Variants in NRXN1 observed in about 807,000 individuals in gnomAD.
NRXN1 encodes neurexin-1.
In NRXN1, 39 loss-of-function variants were observed where a neutral mutation model predicts 150.9. The ratio of observed to expected loss-of-function variants is 0.26; its 90% CI spans 0.20 to 0.34. NRXN1 has a LOEUF of 0.34. NRXN1 is among the 10% of genes least tolerant of loss of function. The pLI, the probability that NRXN1 is intolerant of heterozygous loss-of-function variation, is 1.00. For synonymous variants in NRXN1, 924 were observed against 757.0 expected, an observed-to-expected ratio of 1.22 and a Z score of -3.62; for missense variants, 1,815 against 1,949.9, an observed-to-expected ratio of 0.93 and a Z score of 1.30.
intron 8 of NRXN1, among the ~76,000 whole-genome samples, chr2:50,554,763 A>C (rs1415837675): frequency 6.6e-6 from 1 of 152,196 alleles, no homozygotes; most frequent in Non-Finnish European, 1.5e-5. Context: ...CCAACTAAAT[A>C]AGTCACATCT....
chr2:50,932,657 A>G (rs183290167), intron 2 of NRXN1, among the ~76,000 whole-genome samples: 18 of 152,222 alleles, frequency 1.2e-4, no homozygotes, highest in Non-Finnish European at 5.9e-5. Flanking sequence ...GGGTGCACCA[A>G]CGTCTCAGAA....
At chr2:51,020,631 A>G (rs970325452) in intron 2 of NRXN1, among the ~76,000 whole-genome samples, 2 of 151,942 alleles carry the variant, frequency 1.3e-5, no homozygotes, top group East Asian at 3.9e-4. Flanking sequence ...CTCGCAAACA[A>G]TCTGTGAAGT....
intron 17 of NRXN1, among the ~76,000 whole-genome samples, chr2:50,355,205 C>G (rs536392331): frequency 1.2e-3 from 180 of 150,276 alleles, no homozygotes; most frequent in African/African-American, 4.1e-3. Context: ...GATCTATAAT[C>G]TAATCCCCAC....
At chr2:50,280,992 T>A (rs2071358396) in intron 17 of NRXN1, among the ~76,000 whole-genome samples, 1 of 152,016 alleles carries the variant, frequency 6.6e-6, no homozygotes, top group Non-Finnish European at 1.5e-5. Flanking sequence ...AAACTGTATT[T>A]TTATTATTTT....
At chr2:50,801,029 C>A (rs1438516038) in intron 5 of NRXN1, among the ~76,000 whole-genome samples, 1 of 152,080 alleles carries the variant, frequency 6.6e-6, no homozygotes, top group Non-Finnish European at 1.5e-5. Context: ...TTCTATTAAA[C>A]TAATTTAATT....
rs374678221 is a variant in NRXN1 at position 50,764,648 on chromosome 2, A to T, written c.833-141033T>A. Among the ~76,000 whole-genome samples, 7 of 151,986 alleles carry T rather than the reference A, an allele frequency of 4.6e-5. No homozygotes were observed. The East Asian group carries it at 1.4e-3, about 30-fold the overall frequency. On this transcript the variant is annotated intron_variant, in intron 5 of 22. Coordinates refer to ENST00000401669, the MANE Select transcript of NRXN1 (RefSeq NM_001330078.2). ...CAATTTGCTCAGCCATATTGTTAGT[A>T]AGTGGCCTTGAACCCTGGCAATAGA...
At chr2:50,240,577 C>G (rs543531895) in intron 17 of NRXN1, among the ~76,000 whole-genome samples, 9 of 151,764 alleles carry the variant, frequency 5.9e-5, no homozygotes, top group African/African-American at 1.9e-4. Flanking sequence ...TAACACACAT[C>G]TTTCTGAACC....
intron 15 of NRXN1, among the ~76,000 whole-genome samples, chr2:50,493,246 G>C (rs528729336): frequency 5.9e-5 from 9 of 152,296 alleles, no homozygotes; most frequent in African/African-American, 2.2e-4. Context: ...AGTTCATGTA[G>C]AAGTTCTCCT....
At chr2:50,409,333 C>T (rs1007920501) in intron 17 of NRXN1, among the ~76,000 whole-genome samples, 1 of 152,192 alleles carries the variant, frequency 6.6e-6, no homozygotes, top group African/African-American at 2.4e-5. Context: ...ACTCATATGA[C>T]ATCCTAAGTA....
chr2:50,625,760 GT>G (rs1680905966), intron 5 of NRXN1, among the ~76,000 whole-genome samples: 1 of 152,050 alleles, frequency 6.6e-6, no homozygotes, highest in South Asian at 2.1e-4. Flanking sequence ...TCTGAAAATG[GT>G]TAGAGATACC....
chr2:50,164,011 C>A (rs1239241739), intron 18 of NRXN1, among the ~76,000 whole-genome samples: 5 of 152,154 alleles, frequency 3.3e-5, no homozygotes, highest in Non-Finnish European at 7.3e-5. Flanking sequence ...CTTTGTTAGG[C>A]CATACTGATT....
intron 17 of NRXN1, among the ~76,000 whole-genome samples, chr2:50,429,673 A>G (rs943692962): frequency 1.3e-5 from 2 of 152,190 alleles, no homozygotes; most frequent in African/African-American, 4.8e-5. Flanking sequence ...TTACAAAAAA[A>G]TCCTACTGAA....
intron 18 of NRXN1, among the ~76,000 whole-genome samples, chr2:50,180,891 C>T (rs2060667625): frequency 6.6e-6 from 1 of 152,062 alleles, no homozygotes; most frequent in South Asian, 2.1e-4. Context: ...TCTAAAATGA[C>T]TGTCTTAATT....
intron 9 of NRXN1, among the ~76,000 whole-genome samples, chr2:50,539,167 A>C (rs953187484): frequency 6.6e-6 from 1 of 152,204 alleles, no homozygotes; most frequent in East Asian, 1.9e-4. Context: ...TAACTTACAT[A>C]GTTTTGTTTC....
At chr2:50,145,367 G>A (rs1010963127) in intron 18 of NRXN1, among the ~76,000 whole-genome samples, 1 of 151,244 alleles carries the variant, frequency 6.6e-6, no homozygotes, top group Non-Finnish European at 1.5e-5. Flanking sequence ...ACATCATGGC[G>A]CTTTACCTCT....
Position 50,779,974 on chromosome 2 carries a change from A to C in NRXN1, c.832+141895T>G, listed in dbSNP as rs1000883255. 1.3e-4 allele frequency among the ~76,000 whole-genome samples: 20 copies of C among 152,014 alleles called. 1 individual carries two copies. The highest frequency in any genetic ancestry group is 5.8e-4 in the East Asian group (3 of 5,168). The stretch of plus-strand genomic sequence containing the variant: ...TTCCACAATGTTTAAAATAATTTAC[A>C]CTCCCACCAACAGTGTAAAAGTGTT... On this transcript the variant is annotated intron_variant, in intron 5 of 22. Coordinates refer to ENST00000401669, the MANE Select transcript of NRXN1 (RefSeq NM_001330078.2).
intron 15 of NRXN1, among the ~76,000 whole-genome samples, chr2:50,488,740 G>A (rs966821895): frequency 6.6e-6 from 1 of 152,190 alleles, no homozygotes; most frequent in Non-Finnish European, 1.5e-5. Context: ...AAAGGAGGGA[G>A]GTCTGAGAGC....
intron 2 of NRXN1, among the ~76,000 whole-genome samples, chr2:50,944,429 G>A (rs1055626778): frequency 6.6e-6 from 1 of 152,040 alleles, no homozygotes; most frequent in Non-Finnish European, 1.5e-5. Flanking sequence ...CTACTTCATA[G>A]GATTATTTTA....
intron 2 of NRXN1, among the ~76,000 whole-genome samples, chr2:50,974,088 A>C (rs1470350731): frequency 6.6e-6 from 1 of 152,142 alleles, no homozygotes; most frequent in Non-Finnish European, 1.5e-5. Context: ...CAAGTTTCCC[A>C]AACAGAGATC....
Sources: allele counts gnomAD v4.1 joint callset (sites outside exome capture counted in the v4.1 genomes callset), GRCh38; gene constraint gnomAD v4.1.1; transcripts MANE v1.5; gene names NCBI Gene and HGNC (gene_info 2026-07-23, HGNC 2026-07-21).